The following YTHDF3 variants were observed in gnomAD, a reference collection of about 807,000 sequenced individuals.
YTHDF3 encodes YTH domain-containing family protein 3.
Under a neutral mutation model 52.5 loss-of-function variants are expected in YTHDF3, and 9 were observed. The observed-to-expected ratio is 0.17, with a 90% CI of 0.10 to 0.30. The LOEUF (loss-of-function observed/expected upper bound fraction) is 0.30. Ranked by LOEUF, YTHDF3 falls within the 10% of genes least tolerant of loss-of-function variation. YTHDF3 has a pLI of 1.00. For synonymous variants in YTHDF3, 274 were observed against 243.3 expected, an observed-to-expected ratio of 1.13 and a Z score of -1.18; for missense variants, 534 against 715.0, an observed-to-expected ratio of 0.75 and a Z score of 2.89.
chr8:63,180,485 C>G (rs1186682139), intron 3 of YTHDF3, among the ~76,000 whole-genome samples: 1 of 149,144 alleles, frequency 6.7e-6, no homozygotes, highest in Non-Finnish European at 1.5e-5. Context: ...TCCTCACTTT[C>G]CAGACTGGGC....
intron 3 of YTHDF3, among the ~76,000 whole-genome samples, chr8:63,185,360 C>A: frequency 6.6e-6 from 1 of 150,616 alleles, no homozygotes; most frequent in Non-Finnish European, 1.5e-5. Flanking sequence ...GATTTAATTG[C>A]AGTAATTCTG....
In YTHDF3 at chr8:63,211,967, A is replaced by C. The variant is rs1281475344; in HGVS notation, c.*2261A>C. ...TCTTGGTCTGTCATTATATTGCAAA[A>C]TATTTTTCCTCTGAATGAAATTATC... On this transcript the variant is annotated 3_prime_UTR_variant, in exon 5 of 5. Transcript: ENST00000539294. 1 of 152,676 alleles carries C rather than the reference A, an allele frequency of 6.5e-6. No homozygotes were observed. Among genetic ancestry groups the C allele is most frequent in the East Asian group, 1.9e-4 (1 of 5,180 alleles). The allele number at this position is 152,676 out of a possible 1,614,324, so 9.5% of individuals were successfully genotyped here.
chr8:63,205,311 C>CA (rs1220685326), intron 4 of YTHDF3, among the ~76,000 whole-genome samples: 1 of 152,110 alleles, frequency 6.6e-6, no homozygotes, highest in Non-Finnish European at 1.5e-5. Context: ...CCTTTATCCT[C>CA]AAGTTACTTT....
intron 3 of YTHDF3, among the ~76,000 whole-genome samples, chr8:63,181,190 G>A (rs1808109737): frequency 6.6e-6 from 1 of 152,184 alleles, no homozygotes; most frequent in African/African-American, 2.4e-5. Flanking sequence ...CTTTATCAGA[G>A]AAGTACTATA....
chr8:63,209,771 G>T lies in YTHDF3; in HGVS notation c.*65G>T. 6.8e-7 allele frequency: 1 copy of T among 1,470,816 alleles called. No individual in the cohort carries two copies. 91.1% of individuals were successfully genotyped at this position (1,470,816 alleles called of 1,614,324 possible). ...TGTAGACTCTGGAAATGCCTAATAAGTCAAAGAAGACGTATTAAAGCTCTT... is the reference window on the plus strand; with the variant it reads ...TGTAGACTCTGGAAATGCCTAATAATTCAAAGAAGACGTATTAAAGCTCTT... On this transcript the variant is annotated 3_prime_UTR_variant, in exon 5 of 5. Transcript: ENST00000539294.
chr8:63,179,381 G>A (rs2130021848), intron 3 of YTHDF3, among the ~76,000 whole-genome samples: 1 of 152,290 alleles, frequency 6.6e-6, no homozygotes, highest in East Asian at 1.9e-4. Flanking sequence ...CGCAGTGTTT[G>A]TGTCCCTGGG....
intron 2 of YTHDF3, 59 bp from the exon 3 acceptor site, chr8:63,175,272 G>C: frequency 1.6e-6 from 2 of 1,260,152 alleles, no homozygotes; most frequent in Non-Finnish European, 2.2e-6. Flanking sequence ...AAAACATTAG[G>C]TTGTGCTGCG....
intron 4 of YTHDF3, among the ~76,000 whole-genome samples, chr8:63,199,338 C>A (rs555134205): frequency 1.3e-5 from 2 of 152,168 alleles, no homozygotes; most frequent in Non-Finnish European, 2.9e-5. Flanking sequence ...TCTGCACATA[C>A]TCAAGTTCTG....
At chr8:63,189,835 ACTTTG>A (rs1202374751) in intron 4 of YTHDF3, among the ~76,000 whole-genome samples, 1 of 152,160 alleles carries the variant, frequency 6.6e-6, no homozygotes, top group African/African-American at 2.4e-5. Context: ...ATTGTTGGAA[ACTTTG>A]CTTTGGAGTA....
intron 4 of YTHDF3, among the ~76,000 whole-genome samples, chr8:63,206,382 C>G (rs934429627): frequency 8.5e-5 from 13 of 152,246 alleles, no homozygotes; most frequent in African/African-American, 1.9e-4. Flanking sequence ...GTTCTTTTGC[C>G]TGCTCCAAAC....
At chr8:63,195,556 G>GA (rs1431058657) in intron 4 of YTHDF3, among the ~76,000 whole-genome samples, 1 of 152,180 alleles carries the variant, frequency 6.6e-6, no homozygotes, top group Non-Finnish European at 1.5e-5. Flanking sequence ...AGATGTGATG[G>GA]AAAGAGAGGT....
At chr8:63,206,095 C>T (rs539364314) in intron 4 of YTHDF3, among the ~76,000 whole-genome samples, 12 of 151,874 alleles carry the variant, frequency 7.9e-5, no homozygotes, top group Non-Finnish European at 1.5e-4. Context: ...TTTTTTGAGA[C>T]GGAGTTTCGC....
At chr8:63,200,130 A>G (rs1234504518) in intron 4 of YTHDF3, among the ~76,000 whole-genome samples, 1 of 151,954 alleles carries the variant, frequency 6.6e-6, no homozygotes, top group Non-Finnish European at 1.5e-5. Flanking sequence ...TCTGCATCCA[A>G]ACTCACGGTT....
intron 2 of YTHDF3, chr8:63,172,672 A>G (rs976445561): frequency 1.3e-6 from 1 of 785,200 alleles, no homozygotes; most frequent in Non-Finnish European, 1.7e-6. Flanking sequence ...CATGATGCAC[A>G]GATCTGTTGA....
At chr8:63,203,716 T>A (rs1383188670) in intron 4 of YTHDF3, among the ~76,000 whole-genome samples, 1 of 152,234 alleles carries the variant, frequency 6.6e-6, no homozygotes, top group East Asian at 1.9e-4. Flanking sequence ...TTAGTTGTCA[T>A]GTCTCCTTAC....
At chr8:63,198,109 GT>G (rs753841299) in intron 4 of YTHDF3, among the ~76,000 whole-genome samples, 2 of 152,162 alleles carry the variant, frequency 1.3e-5, no homozygotes, top group Admixed American at 6.6e-5. Context: ...GAGCCCTGCC[GT>G]TTATGCAGAA....
At position 63,197,100 on chromosome 8, in the gene YTHDF3, T is replaced by C. The variant is rs1020013094; in HGVS notation, c.1734+9355T>C. Among the ~76,000 whole-genome samples the C allele has an allele frequency of 2.0e-5, 3 of 152,088 alleles. No homozygotes were observed. In the South Asian group the frequency reaches 6.2e-4, roughly 31 times the overall value. On this transcript the variant is annotated intron_variant, in intron 4 of 4. Transcript: ENST00000539294. ...GTTGGGAACCACTGACCTTGGAGAA[T>C]TGAAGGAAGCTAAAAAAAAATAAAA...
Position 63,179,654 on chromosome 8 carries a change from A to G in YTHDF3, c.135+4238A>G, listed in dbSNP as rs533280921. On this transcript the variant is annotated intron_variant, in intron 3 of 4. Coordinates refer to ENST00000539294, the MANE Select transcript of YTHDF3 (RefSeq NM_152758.6). ...GACACGGCAACCATCCGATTTCTCA[A>G]TCTTTTCCCCACCCCTCCCCCCTTT... is the stretch of plus-strand genomic sequence containing the variant. Among the ~76,000 whole-genome samples the G allele has an allele frequency of 5.5e-3, 839 of 152,256 alleles. 7 individuals are homozygous for G. Among genetic ancestry groups the G allele is most frequent in the African/African-American group, 0.018 (767 of 41,560 alleles).
intron 3 of YTHDF3, among the ~76,000 whole-genome samples, chr8:63,180,005 G>A (rs1227566250): frequency 6.6e-6 from 1 of 151,232 alleles, no homozygotes; most frequent in Non-Finnish European, 1.5e-5. Flanking sequence ...CGGATGGGGC[G>A]GCTGGCCGGG....
Sources: gnomAD v4.1 joint callset for allele counts (sites outside exome capture counted in the v4.1 genomes callset) on GRCh38, gnomAD v4.1.1 for gene constraint, MANE v1.5 for transcripts, NCBI Gene and HGNC (gene_info 2026-07-23, HGNC 2026-07-21) for gene names.